MCPH1: variants seen among roughly 807,000 people sequenced by gnomAD.
MCPH1 encodes microcephalin.
In MCPH1, 104 loss-of-function variants were observed where a neutral mutation model predicts 84.5. The observed-to-expected ratio is 1.23, with a 90% CI of 1.05 to 1.45. MCPH1 has a LOEUF of 1.45. Ranked by LOEUF, MCPH1 falls within the 40% of genes most tolerant of loss-of-function variation. The pLI, the probability that MCPH1 is intolerant of heterozygous loss-of-function variation, is 0.00. For synonymous variants in MCPH1, 514 were observed against 366.8 expected, an observed-to-expected ratio of 1.40 and a Z score of -4.58; for missense variants, 1,498 against 1,005.7, an observed-to-expected ratio of 1.49 and a Z score of -6.62.
intron 12 of MCPH1, chr8:6,520,020 A>G (rs1247904829): frequency 1.2e-6 from 2 of 1,610,106 alleles, no homozygotes; most frequent in Non-Finnish European, 1.7e-6. Context: ...AAGGCATTTA[A>G]ACGGAGTTCA....
Position 6,648,330 on chromosome 8 carries a change from G to A in MCPH1, c.*5281G>A, listed in dbSNP as rs1253004044. 2.0e-5 allele frequency: 3 copies of A among 152,254 alleles called. No homozygotes were observed. In the East Asian group the frequency reaches 5.8e-4, roughly 29 times the overall value. The allele number at this position is 152,254 out of a possible 1,614,324, so 9.4% of individuals were successfully genotyped here. A position where few individuals can be genotyped will look rare whatever the true frequency, so the allele number is the denominator to read the frequency against. ...TTATTTTTCCCAGGAGTCACGCTTA[G>A]TCATCTCTTGCTCTTTGAACTCCAT... On this transcript the variant is annotated 3_prime_UTR_variant, in exon 14 of 14. Transcript: ENST00000344683.
intron 12 of MCPH1, among the ~76,000 whole-genome samples, chr8:6,593,518 C>G (rs1419706053): frequency 6.6e-6 from 1 of 152,112 alleles, no homozygotes; most frequent in Non-Finnish European, 1.5e-5. Context: ...CCACGCCTGG[C>G]TAATTTTGTA....
intron 6 of MCPH1, 123 bp downstream of exon 6, chr8:6,439,219 T>A: frequency 1.0e-6 from 1 of 1,003,524 alleles, no homozygotes; most frequent in Non-Finnish European, 1.5e-6. Context: ...TTGACTTATT[T>A]CATGGCTGGC....
chr8:6,605,256 C>T (rs1829666966), intron 12 of MCPH1, among the ~76,000 whole-genome samples: 1 of 152,146 alleles, frequency 6.6e-6, no homozygotes, highest in Non-Finnish European at 1.5e-5. Context: ...TAGAATCTGT[C>T]CTTCCTGAGA....
intron 12 of MCPH1, among the ~76,000 whole-genome samples, chr8:6,595,428 G>A (rs879574903): frequency 6.6e-6 from 1 of 152,182 alleles, no homozygotes; most frequent in Non-Finnish European, 1.5e-5. Flanking sequence ...CAGGAAGTTG[G>A]CCAAGTAGAT....
intron 8 of MCPH1, among the ~76,000 whole-genome samples, chr8:6,449,853 A>G (rs1192748911): frequency 2.6e-5 from 4 of 152,132 alleles, no homozygotes; most frequent in African/African-American, 4.8e-5. Flanking sequence ...CAGCTCTTCA[A>G]CCACCGAAAG....
intron 12 of MCPH1, among the ~76,000 whole-genome samples, chr8:6,509,695 C>T (rs1180899280): frequency 6.6e-6 from 1 of 152,182 alleles, no homozygotes; most frequent in Non-Finnish European, 1.5e-5. Flanking sequence ...GGGCTATGTT[C>T]TGATAAGCCC....
intron 11 of MCPH1, among the ~76,000 whole-genome samples, chr8:6,483,023 A>G (rs1307588783): frequency 1.3e-5 from 2 of 152,214 alleles, no homozygotes; most frequent in Non-Finnish European, 2.9e-5. Flanking sequence ...TAGACAAGTC[A>G]CAAGCAATCT....
rs1192733659 is a variant in MCPH1, at chr8:6,505,205, TAGA to T, written c.2214+5278_2214+5280del. Among the ~76,000 whole-genome samples the T allele has an allele frequency of 9.0e-5, 10 of 110,680 alleles. 1 individual carries two copies. Among genetic ancestry groups the T allele is most frequent in the African/African-American group, 3.7e-4 (10 of 27,102 alleles). The allele number at this position is 110,680 out of a possible 152,430, so 72.6% of individuals were successfully genotyped here. A position where few individuals can be genotyped will look rare whatever the true frequency, so the allele number is the denominator to read the frequency against. On this transcript the variant is annotated intron_variant, in intron 12 of 13. Coordinates refer to ENST00000344683, the MANE Select transcript of MCPH1 (RefSeq NM_024596.5). ...ATATATATATATTCTTATGTATATA[TAGA>T]ATATATATATATATTCTTATGTATA...
At chr8:6,627,988 A>T (rs1390204192) in intron 13 of MCPH1, among the ~76,000 whole-genome samples, 1 of 152,140 alleles carries the variant, frequency 6.6e-6, no homozygotes, top group Non-Finnish European at 1.5e-5. Context: ...GTATTTTGCC[A>T]TTAGCTTTGG....
chr8:6,512,517 G>A (rs935105354), intron 12 of MCPH1, among the ~76,000 whole-genome samples: 1 of 152,174 alleles, frequency 6.6e-6, no homozygotes, highest in African/African-American at 2.4e-5. Context: ...CCATGATCAC[G>A]AGGCGCCACC....
At chr8:6,614,811 G>A (rs1830642465) in intron 12 of MCPH1, among the ~76,000 whole-genome samples, 1 of 152,168 alleles carries the variant, frequency 6.6e-6, no homozygotes, top group South Asian at 2.1e-4. Context: ...CAGGAAGCCA[G>A]TCACATTACT....
chr8:6,492,181 T>A (rs1404010583), intron 11 of MCPH1, among the ~76,000 whole-genome samples: 2 of 152,198 alleles, frequency 1.3e-5, no homozygotes, highest in African/African-American at 4.8e-5. Context: ...AACTGGTGTG[T>A]GATGGTATCT....
At position 6,477,612 on chromosome 8, in the gene MCPH1, A is replaced by T; in HGVS notation, c.1954A>T (p.Met652Leu). 2 of 1,613,278 alleles carry T rather than the reference A, an allele frequency of 1.2e-6. No homozygotes were observed. Among genetic ancestry groups the T allele is most frequent in the South Asian group, 1.1e-5 (1 of 91,056 alleles). Residue 652 changes from methionine (M) to leucine (L), a missense_variant, in exon 10 of 14, where the codon ATG becomes TTG. Coordinates refer to ENST00000344683, the MANE Select transcript of MCPH1 (RefSeq NM_024596.5). ...RGKKPTRTLVMTSMPSEKQNV... is the reference protein window; with the variant it reads ...RGKKPTRTLVLTSMPSEKQNV... ...TCTCTAGCCAACAAGAACATTAGTCATGACAAGCATGCCATCTGAGTAAGT... is the reference window on the plus strand; with the variant it reads ...TCTCTAGCCAACAAGAACATTAGTCTTGACAAGCATGCCATCTGAGTAAGT...
intron 12 of MCPH1, among the ~76,000 whole-genome samples, chr8:6,608,055 G>T (rs1829936821): frequency 6.6e-6 from 1 of 152,186 alleles, no homozygotes; most frequent in Non-Finnish European, 1.5e-5. Flanking sequence ...TGAGGGGAGT[G>T]CTCACCTCCA....
chr8:6,521,239 C>T, intron 12 of MCPH1: 2 of 1,613,908 alleles, frequency 1.2e-6, no homozygotes, highest in East Asian at 2.2e-5. Flanking sequence ...CATGTTGCTG[C>T]TTCTGAAGAA....
chr8:6,604,688 A>C (rs1214474933), intron 12 of MCPH1, among the ~76,000 whole-genome samples: 7 of 152,362 alleles, frequency 4.6e-5, no homozygotes. Context: ...TATTTGTAGT[A>C]GAGACAGGGT....
Position 6,445,126 on chromosome 8 carries a change from C to A in MCPH1, c.1404C>A (p.Thr468=), listed in dbSNP as rs767146341. 1 of 1,614,076 alleles carries A rather than the reference C, an allele frequency of 6.2e-7. No individual in the cohort carries two copies. The highest frequency in any genetic ancestry group is 1.7e-5 in the Admixed American group (1 of 60,002). Residue 468 remains threonine, a synonymous_variant, in exon 8 of 14, where the codon ACC becomes ACA. Transcript: ENST00000344683. The part of the protein sequence containing the change: ...MSDFSCVGKK[T]RTVDITNFTA... ...ATTTTTCCTGCGTTGGCAAAAAAAC[C>A]AGAACAGTTGACATTACCAATTTCA... is the stretch of plus-strand genomic sequence containing the variant.
intron 12 of MCPH1, among the ~76,000 whole-genome samples, chr8:6,519,110 A>G (rs1816831977): frequency 6.6e-6 from 1 of 152,172 alleles, no homozygotes; most frequent in African/African-American, 2.4e-5. Flanking sequence ...GCTGGAGAAG[A>G]AAATGAACAC....
Sources: allele counts gnomAD v4.1 joint callset (sites outside exome capture counted in the v4.1 genomes callset), GRCh38; gene constraint gnomAD v4.1.1; transcripts MANE v1.5; gene names NCBI Gene and HGNC (gene_info 2026-07-23, HGNC 2026-07-21).